NDST4: variants seen among roughly 807,000 people sequenced by gnomAD.
The protein encoded by NDST4 is N-deacetylase and N-sulfotransferase 4, also known as N-heparan sulfate sulfotransferase 4.
NDST4 carries 63 observed loss-of-function variants against 100.8 expected under a neutral mutation model. The observed-to-expected ratio is 0.62, with a 90% confidence interval of 0.51 to 0.77. NDST4 has a LOEUF of 0.77. Among genes scored for constraint, NDST4 ranks in the 30% least tolerant of loss-of-function variants. The pLI is 0.00. For missense variants in NDST4, 943 were observed against 1,018.4 expected, an observed-to-expected ratio of 0.93 and a Z score of 1.01; for synonymous variants, 377 against 361.8, an observed-to-expected ratio of 1.04 and a Z score of -0.48.
At chr4:115,106,246 G>A (rs1729831625) in intron 1 of NDST4, among the ~76,000 whole-genome samples, 2 of 152,040 alleles carry the variant, frequency 1.3e-5, no homozygotes, top group African/African-American at 4.8e-5. Flanking sequence ...GTATTAAATA[G>A]GATCACAGAT....
At chr4:114,922,075 G>A (rs934221391) in intron 6 of NDST4, among the ~76,000 whole-genome samples, 3 of 152,032 alleles carry the variant, frequency 2.0e-5, no homozygotes, top group Admixed American at 6.6e-5. Context: ...AGGAATGTCC[G>A]GCCACCATCG....
At chr4:114,918,558 A>C (rs1345934577) in intron 6 of NDST4, among the ~76,000 whole-genome samples, 2 of 42,808 alleles carry the variant, frequency 4.7e-5, no homozygotes, top group East Asian at 3.6e-3. Flanking sequence ...AATAAAAATA[A>C]ATAAAAAAAA....
At chr4:114,964,260 G>T (rs1237991961) in intron 4 of NDST4, among the ~76,000 whole-genome samples, 1 of 152,144 alleles carries the variant, frequency 6.6e-6, no homozygotes, top group Admixed American at 6.6e-5. Flanking sequence ...CAATAACCAT[G>T]TGAGCTTGGC....
rs536706904 is a variant in NDST4 at position 115,086,582 on chromosome 4, A to G, written c.-246-9300T>C. On this transcript the variant is annotated intron_variant, in intron 1 of 13. Transcript: ENST00000264363. ...TACTACCATAATATTATATTGTAAC[A>G]TAATATTATACTAGGTTCATAGCTC... is the stretch of plus-strand genomic sequence containing the variant. Among the ~76,000 whole-genome samples, 214 of 152,232 alleles carry G rather than the reference A, an allele frequency of 1.4e-3. 2 individuals are homozygous for G. Among genetic ancestry groups the G allele is most frequent in the African/African-American group, 4.9e-3 (202 of 41,572 alleles).
chr4:114,978,158 A>G (rs1172903841), intron 2 of NDST4, among the ~76,000 whole-genome samples: 1 of 151,994 alleles, frequency 6.6e-6, no homozygotes, highest in Non-Finnish European at 1.5e-5. Context: ...TTTAAAGAGG[A>G]CATACTTTGT....
chr4:115,100,017 G>A (rs1325025109), intron 1 of NDST4, among the ~76,000 whole-genome samples: 2 of 152,016 alleles, frequency 1.3e-5, no homozygotes, highest in Non-Finnish European at 2.9e-5. Context: ...GAAATACATG[G>A]ATGAACATAA....
chr4:115,012,566 A>G (rs937022652), intron 2 of NDST4, among the ~76,000 whole-genome samples: 1 of 152,018 alleles, frequency 6.6e-6, no homozygotes, highest in African/African-American at 2.4e-5. Flanking sequence ...TTTTAATATA[A>G]AGGTTTGATT....
At chr4:115,033,155 A>ATTT (rs1293503455) in intron 2 of NDST4, among the ~76,000 whole-genome samples, 36 of 27,598 alleles carry the variant, frequency 1.3e-3, no homozygotes, top group African/African-American at 4.8e-3. Context: ...ATATATATAT[A>ATTT]TATTTTTTTT....
intron 6 of NDST4, among the ~76,000 whole-genome samples, chr4:114,933,083 T>C (rs1725547848): frequency 6.6e-6 from 1 of 152,072 alleles, no homozygotes; most frequent in Non-Finnish European, 1.5e-5. Flanking sequence ...ACTACAAAGC[T>C]GTGGTAATAA....
chr4:114,991,849 C>T (rs530744936), intron 2 of NDST4, among the ~76,000 whole-genome samples: 62 of 152,102 alleles, frequency 4.1e-4, no homozygotes, highest in African/African-American at 1.4e-3. Context: ...TTGTACTACA[C>T]TGCTTTTTAA....
intron 6 of NDST4, among the ~76,000 whole-genome samples, chr4:114,915,302 C>T (rs1188679208): frequency 6.6e-6 from 1 of 152,084 alleles, no homozygotes; most frequent in Non-Finnish European, 1.5e-5. Flanking sequence ...CGTAAGGGGT[C>T]AATGAACCAG....
At chr4:115,033,451 A>T (rs1210809469) in intron 2 of NDST4, among the ~76,000 whole-genome samples, 1 of 151,736 alleles carries the variant, frequency 6.6e-6, no homozygotes, top group East Asian at 1.9e-4. Context: ...TTGTGTCTTC[A>T]ATTTTTATAA....
At chr4:114,939,086 T>C (rs980505466) in intron 4 of NDST4, among the ~76,000 whole-genome samples, 2 of 152,172 alleles carry the variant, frequency 1.3e-5, no homozygotes, top group African/African-American at 4.8e-5. Flanking sequence ...CTGATATCAC[T>C]AGGGAACATG....
intron 4 of NDST4, among the ~76,000 whole-genome samples, chr4:114,945,839 A>G (rs937847495): frequency 1.3e-5 from 2 of 152,138 alleles, no homozygotes; most frequent in African/African-American, 4.8e-5. Flanking sequence ...TTCTGTTTTC[A>G]TAAGTGATAA....
chr4:115,056,265 T>A (rs796916042), intron 2 of NDST4, among the ~76,000 whole-genome samples: 54 of 152,042 alleles, frequency 3.6e-4, no homozygotes, highest in African/African-American at 1.3e-3. Context: ...GTTAGGAGGA[T>A]CAACCTGAGC....
intron 6 of NDST4, among the ~76,000 whole-genome samples, chr4:114,925,626 C>A (rs1725371901): frequency 6.6e-6 from 1 of 152,102 alleles, no homozygotes; most frequent in South Asian, 2.1e-4. Context: ...TTATACTCTA[C>A]TGTCAATTTC....
intron 1 of NDST4, among the ~76,000 whole-genome samples, chr4:115,093,660 G>A (rs1729565676): frequency 6.6e-6 from 1 of 151,896 alleles, no homozygotes. Flanking sequence ...AAAATCACAT[G>A]GAGCATATGC....
At chr4:115,067,094 G>T (rs1728965239) in intron 2 of NDST4, among the ~76,000 whole-genome samples, 1 of 152,172 alleles carries the variant, frequency 6.6e-6, no homozygotes. Context: ...CCATTGCCCA[G>T]GTCTTATGCT....
At chr4:114,860,630 G>A (rs1327585915) in intron 7 of NDST4, among the ~76,000 whole-genome samples, 2 of 152,152 alleles carry the variant, frequency 1.3e-5, no homozygotes, top group Non-Finnish European at 2.9e-5. Context: ...GAGCCCCTAG[G>A]TGATCATGTG....
Sources: allele counts gnomAD v4.1 joint callset (sites outside exome capture counted in the v4.1 genomes callset), GRCh38; gene constraint gnomAD v4.1.1; transcripts MANE v1.5; gene names NCBI Gene and HGNC (gene_info 2026-07-23, HGNC 2026-07-21).